Variants in PHIP observed in about 807,000 individuals in gnomAD.
PHIP encodes the protein PH-interacting protein.
Under a neutral mutation model 236.8 loss-of-function variants are expected in PHIP, and 54 were observed. The observed-to-expected ratio is 0.23, with a 90% confidence interval of 0.18 to 0.29. The LOEUF (loss-of-function observed/expected upper bound fraction) is 0.29, where lower values mean the gene tolerates loss of function less well. PHIP is among the 10% of genes least tolerant of loss of function. The pLI is 1.00. For missense variants in PHIP, 1,370 were observed against 2,190.8 expected, an observed-to-expected ratio of 0.63 and a Z score of 7.48; for synonymous variants, 756 against 718.9, an observed-to-expected ratio of 1.05 and a Z score of -0.83.
Position 78,978,583 on chromosome 6 carries a change from T to C in PHIP, c.2889+9A>G, listed in dbSNP as rs753844501. ...AGGAAAAATGGATAATTTAAAACTT[T>C]TAAAGTACCTCATCACCCATCTGTG... On this transcript the variant is annotated intron_variant, in intron 24 of 39. Transcript: ENST00000275034. The C allele has an allele frequency of 5.1e-6, 8 of 1,568,996 alleles. No homozygotes were observed. Among genetic ancestry groups the C allele is most frequent in the African/African-American group, 1.3e-5 (1 of 74,196 alleles).
Position 78,997,413 on chromosome 6 carries a change from CCTGGCTACACCAG to C in PHIP, c.2189_2201del (p.Ala730ValfsTer15), listed in dbSNP as rs1178647524. On this transcript the variant is annotated frameshift_variant and splice_region_variant, in exon 19 of 40. Coordinates refer to ENST00000275034, the MANE Select transcript of PHIP (RefSeq NM_017934.7). LOFTEE classifies it high-confidence loss of function. ...ACATAAAAATTCACAACTTCCCTTA[CCTGGCTACACCAG>C]CTGATAGCTCGGGTACTACCACCCT... The C allele has an allele frequency of 6.2e-7, 1 of 1,613,436 alleles. No homozygotes were observed. Among genetic ancestry groups the C allele is most frequent in the Non-Finnish European group, 8.5e-7 (1 of 1,179,544 alleles).
At chr6:79,060,364 T>C (rs1235634799) in intron 6 of PHIP, 114 bp downstream of exon 6, 3 of 597,982 alleles carry the variant, frequency 5.0e-6, no homozygotes, top group South Asian at 6.5e-5. Flanking sequence ...TCTTTTTGAA[T>C]GCAGATGTAC....
rs1226129972 is a variant in PHIP at position 79,077,845 on chromosome 6, G to C, written c.99+10C>G. On this transcript the variant is annotated intron_variant, in intron 2 of 39. Coordinates refer to ENST00000275034, the MANE Select transcript of PHIP (RefSeq NM_017934.7). The stretch of plus-strand genomic sequence containing the variant: ...AGCGCCGGCCCGGCCCGCGCCGCGC[G>C]CCGCCGTACCTGAGCCGCCTGCTGA... 8 of 1,451,098 alleles carry C rather than the reference G, an allele frequency of 5.5e-6. No homozygotes were observed. Among genetic ancestry groups the C allele is most frequent in the Non-Finnish European group, 7.3e-6 (8 of 1,097,542 alleles). The allele number at this position is 1,451,098 out of a possible 1,614,324, so 89.9% of individuals were successfully genotyped here.
At chr6:79,064,705 C>G (rs962626351) in intron 4 of PHIP, among the ~76,000 whole-genome samples, 1 of 152,114 alleles carries the variant, frequency 6.6e-6, no homozygotes, top group African/African-American at 2.4e-5. Flanking sequence ...GCTTATACTC[C>G]TCTATATAGC....
intron 6 of PHIP, among the ~76,000 whole-genome samples, chr6:79,043,925 T>C (rs968338111): frequency 2.6e-5 from 4 of 151,590 alleles, no homozygotes; most frequent in Non-Finnish European, 5.9e-5. Context: ...ACTAAATATA[T>C]ATACAAAATA....
intron 6 of PHIP, among the ~76,000 whole-genome samples, chr6:79,059,592 TA>T (rs1773254627): frequency 5.4e-4 from 5 of 9,274 alleles, no homozygotes; most frequent in Non-Finnish European, 1.2e-3. Flanking sequence ...AAAGCAAAAT[TA>T]TATATATATA....
intron 39 of PHIP, among the ~76,000 whole-genome samples, chr6:78,942,443 A>G (rs1169578083): frequency 1.3e-5 from 2 of 152,200 alleles, no homozygotes; most frequent in East Asian, 3.9e-4. Context: ...AGATCACGCC[A>G]CTGCACTCCA....
At chr6:78,978,203 A>T (rs1768253249) in intron 24 of PHIP, among the ~76,000 whole-genome samples, 1 of 152,134 alleles carries the variant, frequency 6.6e-6, no homozygotes, top group Non-Finnish European at 1.5e-5. Context: ...CAAAACACTA[A>T]CACTTTTTGA....
chr6:79,002,729 T>C (rs1770067672), intron 16 of PHIP, among the ~76,000 whole-genome samples: 2 of 152,092 alleles, frequency 1.3e-5, no homozygotes, highest in African/African-American at 2.4e-5. Flanking sequence ...TATTCAATAT[T>C]CAATTTTAAA....
chr6:79,060,386 T>G (rs1383164848), intron 6 of PHIP, 92 bp downstream of exon 6: 3 of 752,216 alleles, frequency 4.0e-6, no homozygotes, highest in Non-Finnish European at 6.4e-6. Flanking sequence ...TAATATGAAG[T>G]TCTCTAATAC....
Position 78,982,973 on chromosome 6 carries a change from C to A in PHIP, c.2682G>T (p.Gln894His). 1 of 1,606,256 alleles carries A rather than the reference C, an allele frequency of 6.2e-7. No homozygotes were observed. Among genetic ancestry groups the A allele is most frequent in the South Asian group, 1.1e-5 (1 of 89,216 alleles). The change falls in exon 23 of 40, where the codon CAG (glutamine) becomes CAT (histidine). Residue 894 changes from glutamine (Q) to histidine (H), a missense_variant. By Grantham distance (24) the Gln-to-His change is conservative. This residue lies in a region of PHIP where 76 missense variants were observed against 76.4 expected (regional missense o/e 0.99). Coordinates refer to ENST00000275034, the MANE Select transcript of PHIP (RefSeq NM_017934.7). ...EEESEKQKQK[Q>H]IKKEKKKVNE... The stretch of plus-strand genomic sequence containing the variant: ...TTACTTTTTTCTTTTCCTTTTTAAT[C>A]TGTTTTTGCTTCTGTTTTTCAGATT...
intron 7 of PHIP, among the ~76,000 whole-genome samples, chr6:79,028,823 A>G (rs1170625651): frequency 6.6e-6 from 1 of 152,238 alleles, no homozygotes; most frequent in East Asian, 1.9e-4. Context: ...GAATCTTTGA[A>G]TAAGAGTGTG....
intron 21 of PHIP, 125 bp downstream of exon 21, chr6:78,988,084 T>C (rs962140626): frequency 7.1e-6 from 4 of 563,874 alleles, no homozygotes; most frequent in Non-Finnish European, 8.5e-6. Flanking sequence ...AGCTGTATCA[T>C]AAGACCCCAA....
intron 14 of PHIP, among the ~76,000 whole-genome samples, 157 bp downstream of exon 14, chr6:79,015,473 A>C (rs544214962): frequency 2.8e-4 from 42 of 151,986 alleles, no homozygotes; most frequent in African/African-American, 1.0e-3. Flanking sequence ...AAACCTGTTT[A>C]ACTGCACTGT....
At chr6:79,033,223 G>T (rs1771758860) in intron 7 of PHIP, among the ~76,000 whole-genome samples, 1 of 152,138 alleles carries the variant, frequency 6.6e-6, no homozygotes, top group South Asian at 2.1e-4. Context: ...TTAAAAAATG[G>T]TAAATGGACA....
chr6:78,991,704 A>G (rs772706852), intron 19 of PHIP, among the ~76,000 whole-genome samples: 4 of 152,158 alleles, frequency 2.6e-5, no homozygotes, highest in African/African-American at 7.2e-5. Flanking sequence ...TATACTGTTG[A>G]TATTTCTTTA....
intron 7 of PHIP, among the ~76,000 whole-genome samples, chr6:79,039,543 C>G (rs879740909): frequency 6.6e-6 from 1 of 152,208 alleles, no homozygotes. Context: ...TGTGAACTCT[C>G]CAAGAACAAA....
intron 27 of PHIP, among the ~76,000 whole-genome samples, chr6:78,967,606 G>C (rs531445484): frequency 2.6e-5 from 4 of 152,156 alleles, no homozygotes; most frequent in African/African-American, 9.6e-5. Flanking sequence ...TATATCCTCA[G>C]ATATAAAAGA....
intron 39 of PHIP, among the ~76,000 whole-genome samples, chr6:78,943,989 TTAA>T (rs1291808776): frequency 3.0e-3 from 139 of 46,846 alleles, no homozygotes; most frequent in African/African-American, 9.4e-3. Flanking sequence ...CTGTCTTTTT[TTAA>T]AAAAAAAAAA....
Sources: gnomAD v4.1 joint callset for allele counts (sites outside exome capture counted in the v4.1 genomes callset) on GRCh38, gnomAD v4.1.1 for gene constraint, gnomAD v4.1.1 regional missense constraint, MANE v1.5 for transcripts, NCBI Gene and HGNC (gene_info 2026-07-23, HGNC 2026-07-21) for gene names.